The following IGSF11 variants were observed in gnomAD, a reference collection of about 807,000 sequenced individuals.
IGSF11 encodes the protein CXADR like 1.
A neutral mutation model predicts 41.0 loss-of-function variants in IGSF11; 22 were observed. That is an observed-to-expected ratio of 0.54 (90% CI 0.38 to 0.77). IGSF11 has a LOEUF of 0.77. Among genes scored for constraint, IGSF11 ranks in the 30% least tolerant of loss-of-function variants. The pLI is 0.00. For synonymous variants in IGSF11, 219 were observed against 201.3 expected (o/e 1.09, Z -0.74); for missense variants, 444 against 530.8 (o/e 0.84, Z 1.61).
chr3:118,968,222 G>A (rs1945817862), intron 1 of IGSF11, among the ~76,000 whole-genome samples: 1 of 152,308 alleles, frequency 6.6e-6, no homozygotes, highest in East Asian at 1.9e-4. Context: ...GGATCTGGGG[G>A]AAACCAACGC....
chr3:118,902,669 G>A lies in IGSF11; in HGVS notation c.1147C>T (p.Gln383Ter), dbSNP rs755571217. ...GAGCCATTGCTCCTGGACATCACCT[G>A]TGGTGATGACCCTCTGTTGGCTGTC... is the stretch of plus-strand genomic sequence containing the variant. The part of the protein sequence containing the change: ...VVTANRGSSP[Q>*]VMSRSNGSVS... The change falls in exon 7 of 7, where the codon CAG (glutamine) becomes TAG (stop). Residue 383 changes from glutamine to a stop codon, truncating the protein, a stop_gained. Transcript: ENST00000393775. LOFTEE classifies it high-confidence loss of function. 6.2e-7 allele frequency: 1 copy of A among 1,614,068 alleles called. No individual in the cohort carries two copies. The highest frequency in any genetic ancestry group is 1.1e-5 in the South Asian group (1 of 91,080).
At chr3:119,116,121 G>T (rs978695740) in intron 1 of IGSF11, among the ~76,000 whole-genome samples, 1 of 152,180 alleles carries the variant, frequency 6.6e-6, no homozygotes, top group African/African-American at 2.4e-5. Flanking sequence ...GTCTGGAAGG[G>T]TGTTTCTAGA....
intron 1 of IGSF11, among the ~76,000 whole-genome samples, chr3:119,064,701 A>G (rs1942168436): frequency 6.6e-6 from 1 of 151,702 alleles, no homozygotes; most frequent in Non-Finnish European, 1.5e-5. Context: ...GGATTCTTTC[A>G]TTTCTCGCAA....
intron 1 of IGSF11, among the ~76,000 whole-genome samples, chr3:118,973,937 A>G (rs920095087): frequency 6.6e-6 from 1 of 152,068 alleles, no homozygotes; most frequent in Non-Finnish European, 1.5e-5. Context: ...AACAACACAC[A>G]CTGGGGCTTG....
chr3:119,060,285 G>C (rs1942011865), intron 1 of IGSF11, among the ~76,000 whole-genome samples: 1 of 152,144 alleles, frequency 6.6e-6, no homozygotes, highest in South Asian at 2.1e-4. Context: ...TTCAAAAGAG[G>C]TGAGGAGGGT....
chr3:118,941,483 G>C (rs970396884), intron 1 of IGSF11, among the ~76,000 whole-genome samples: 4 of 152,152 alleles, frequency 2.6e-5, no homozygotes, highest in African/African-American at 9.7e-5. Context: ...GTGTTGACGA[G>C]AATGTAGAAC....
intron 3 of IGSF11, among the ~76,000 whole-genome samples, chr3:118,928,144 T>C (rs899855027): frequency 3.9e-5 from 6 of 152,202 alleles, no homozygotes; most frequent in East Asian, 1.9e-4. Flanking sequence ...TTCTCACACA[T>C]GCTAAAACTT....
chr3:118,947,762 C>A (rs544804914), intron 1 of IGSF11: 2 of 152,214 alleles, frequency 1.3e-5, no homozygotes, highest in Admixed American at 6.5e-5. Flanking sequence ...TACCCTCCCC[C>A]ATTCAAGGTA....
chr3:119,118,260 G>C (rs1448838818), intron 1 of IGSF11, among the ~76,000 whole-genome samples: 1 of 152,192 alleles, frequency 6.6e-6, no homozygotes, highest in African/African-American at 2.4e-5. Flanking sequence ...GCAGCAAACT[G>C]CTTCCTGGAC....
intron 1 of IGSF11, among the ~76,000 whole-genome samples, chr3:119,027,294 T>C (rs1559811718): frequency 6.6e-6 from 1 of 152,236 alleles, no homozygotes. Context: ...AACTACTGCA[T>C]ATCATGTTTT....
intron 1 of IGSF11, among the ~76,000 whole-genome samples, chr3:119,101,929 T>C (rs745515209): frequency 1.1e-4 from 16 of 152,262 alleles, no homozygotes; most frequent in Non-Finnish European, 1.8e-4. Flanking sequence ...TACTTGTCTT[T>C]AAAGTTTTAA....
At chr3:118,935,324 A>G (rs1303974431) in intron 1 of IGSF11, among the ~76,000 whole-genome samples, 2 of 142,536 alleles carry the variant, frequency 1.4e-5, no homozygotes, top group Admixed American at 7.1e-5. Context: ...ATATATGTAT[A>G]TACACCCTGA....
intron 1 of IGSF11, among the ~76,000 whole-genome samples, chr3:119,117,533 T>G (rs2077275473): frequency 6.6e-6 from 1 of 152,050 alleles, no homozygotes; most frequent in Non-Finnish European, 1.5e-5. Flanking sequence ...TCCTACCAGG[T>G]CCCTCCCACG....
intron 4 of IGSF11, among the ~76,000 whole-genome samples, chr3:118,925,772 G>A (rs186135056): frequency 3.9e-5 from 6 of 152,260 alleles, no homozygotes; most frequent in Admixed American, 2.6e-4. Flanking sequence ...TCTACCTCAA[G>A]CAGGAAGTGT....
intron 1 of IGSF11, among the ~76,000 whole-genome samples, chr3:119,129,053 C>T (rs554194816): frequency 4.6e-5 from 7 of 152,166 alleles, no homozygotes; most frequent in Admixed American, 2.0e-4. Flanking sequence ...AGCAAAGTAG[C>T]GCAGGAACAG....
chr3:118,926,120 T>C lies in IGSF11; in HGVS notation c.561A>G (p.Leu187=). Residue 187 remains leucine, a synonymous_variant, in exon 4 of 7, where the codon CTA becomes CTG. Transcript: ENST00000393775. ...LWEKLDNTLK[L]PPTATQDQVQ... ...ACATACCCTGAGTAGCTGTTGGAGG[T>C]AGTTTGAGGGTATTGTCTAACTTCT... 1 of 1,607,156 alleles carries C rather than the reference T, an allele frequency of 6.2e-7. No homozygotes were observed. The highest frequency in any genetic ancestry group is 8.5e-7 in the Non-Finnish European group (1 of 1,175,726).
intron 4 of IGSF11, among the ~76,000 whole-genome samples, chr3:118,912,176 T>A (rs776164288): frequency 6.6e-6 from 1 of 152,228 alleles, no homozygotes; most frequent in African/African-American, 2.4e-5. Context: ...ATTTTAAAGT[T>A]CTCTGTGCAT....
At chr3:118,978,843 G>A (rs1934409405) in intron 1 of IGSF11, among the ~76,000 whole-genome samples, 1 of 152,262 alleles carries the variant, frequency 6.6e-6, no homozygotes, top group South Asian at 2.1e-4. Flanking sequence ...CAGATGCACA[G>A]ATACCAATGT....
At chr3:119,077,781 C>A (rs1391492942) in intron 1 of IGSF11, among the ~76,000 whole-genome samples, 1 of 152,192 alleles carries the variant, frequency 6.6e-6, no homozygotes, top group Non-Finnish European at 1.5e-5. Context: ...TAGAAAACCC[C>A]ATAGTCTCTG....
Sources: gnomAD v4.1 joint callset for allele counts (sites outside exome capture counted in the v4.1 genomes callset) on GRCh38, gnomAD v4.1.1 for gene constraint, MANE v1.5 for transcripts, NCBI Gene and HGNC (gene_info 2026-07-23, HGNC 2026-07-21) for gene names.